The following CADM2 variants were observed in gnomAD, a reference collection of about 807,000 sequenced individuals.
CADM2 encodes immunoglobulin superfamily member 4D.
In CADM2, 12 loss-of-function variants were observed where a neutral mutation model predicts 49.8. The observed-to-expected ratio is 0.24, with a 90% CI of 0.15 to 0.39. The LOEUF (loss-of-function observed/expected upper bound fraction) is 0.39, where lower values mean the gene tolerates loss of function less well. CADM2 is among the 10% of genes least tolerant of loss of function. CADM2 has a pLI of 1.00. For synonymous variants in CADM2, 214 were observed against 175.4 expected (o/e 1.22, Z -1.74); for missense variants, 378 against 492.3 (o/e 0.77, Z 2.20).
chr3:85,093,420 A>G (rs2107527975), intron 1 of CADM2, among the ~76,000 whole-genome samples: 1 of 151,888 alleles, frequency 6.6e-6, no homozygotes, highest in South Asian at 2.1e-4. Flanking sequence ...CTGAGGCAGG[A>G]GAATCAGAAT....
At chr3:85,862,924 CAG>C (rs1194103169) in intron 3 of CADM2, among the ~76,000 whole-genome samples, 2 of 152,030 alleles carry the variant, frequency 1.3e-5, no homozygotes, top group African/African-American at 4.8e-5. Flanking sequence ...GACTAGATGA[CAG>C]AGTTATTCAC....
intron 8 of CADM2, among the ~76,000 whole-genome samples, chr3:86,053,376 C>T (rs76454711): frequency 0.037 from 5,673 of 152,192 alleles, 212 homozygotes; most frequent in African/African-American, 0.095. Context: ...TTATCCACCA[C>T]TTATACTTTT....
At chr3:85,298,071 GA>G (rs2044009714) in intron 1 of CADM2, among the ~76,000 whole-genome samples, 2 of 151,954 alleles carry the variant, frequency 1.3e-5, no homozygotes, top group Admixed American at 6.6e-5. Context: ...TATGTTAGGG[GA>G]AAAAATGAAC....
At chr3:85,530,531 G>T (rs543582905) in intron 1 of CADM2, among the ~76,000 whole-genome samples, 1 of 151,760 alleles carries the variant, frequency 6.6e-6, no homozygotes, top group African/African-American at 2.4e-5. Context: ...GGGTTTCACC[G>T]TGTTAGCCAG....
At chr3:85,182,694 A>G (rs1475713740) in intron 1 of CADM2, among the ~76,000 whole-genome samples, 1 of 152,106 alleles carries the variant, frequency 6.6e-6, no homozygotes, top group Non-Finnish European at 1.5e-5. Context: ...ATAGAACCCT[A>G]TATACGGTTG....
intron 1 of CADM2, among the ~76,000 whole-genome samples, chr3:85,182,865 G>A (rs184641129): frequency 7.4e-4 from 113 of 152,116 alleles, no homozygotes; most frequent in Non-Finnish European, 1.4e-3. Flanking sequence ...CTGCAGTGAA[G>A]TATTAACCTA....
intron 1 of CADM2, among the ~76,000 whole-genome samples, chr3:85,114,721 G>A (rs2038581247): frequency 6.6e-6 from 1 of 152,026 alleles, no homozygotes; most frequent in African/African-American, 2.4e-5. Flanking sequence ...TGTGACCTTG[G>A]GCAAATTTTT....
intron 3 of CADM2, among the ~76,000 whole-genome samples, chr3:85,847,669 G>A (rs1042505490): frequency 6.6e-6 from 1 of 152,094 alleles, no homozygotes; most frequent in African/African-American, 2.4e-5. Context: ...TTCTCAGAAA[G>A]AGTGGAAGAA....
chr3:85,306,061 C>T (rs577394295), intron 1 of CADM2, among the ~76,000 whole-genome samples: 4 of 151,716 alleles, frequency 2.6e-5, no homozygotes, highest in African/African-American at 7.2e-5. Flanking sequence ...CATATTTTCT[C>T]CTATCACAAT....
chr3:85,902,039 C>A (rs1290811563), intron 5 of CADM2, among the ~76,000 whole-genome samples: 2 of 151,962 alleles, frequency 1.3e-5, no homozygotes, highest in Non-Finnish European at 2.9e-5. Context: ...AGTTGATATG[C>A]ATTTGGGTTT....
chr3:85,549,331 T>C (rs6792295), intron 1 of CADM2, among the ~76,000 whole-genome samples: 77,968 of 151,966 alleles, frequency 0.51, 23,078 homozygotes, highest in East Asian at 0.85. Flanking sequence ...AACAGGAGAA[T>C]CCAGTCTGGA....
At chr3:85,974,423 T>C (rs1726530189) in intron 8 of CADM2, among the ~76,000 whole-genome samples, 1 of 151,630 alleles carries the variant, frequency 6.6e-6, no homozygotes, top group Admixed American at 6.6e-5. Flanking sequence ...CTTGAAAAAT[T>C]AATAAAACAA....
At chr3:85,206,485 T>C (rs1463900488) in intron 1 of CADM2, among the ~76,000 whole-genome samples, 1 of 151,926 alleles carries the variant, frequency 6.6e-6, no homozygotes, top group Non-Finnish European at 1.5e-5. Context: ...TTTTTTGTAT[T>C]TTTAGTAGAG....
chr3:85,533,346 T>C (rs1456341781), intron 1 of CADM2, among the ~76,000 whole-genome samples: 1 of 152,120 alleles, frequency 6.6e-6, no homozygotes, highest in Non-Finnish European at 1.5e-5. Context: ...GCACAGCAGG[T>C]GATATTGGTA....
intron 1 of CADM2, among the ~76,000 whole-genome samples, chr3:85,495,017 C>A (rs2039830317): frequency 6.6e-6 from 1 of 152,152 alleles, no homozygotes; most frequent in Admixed American, 6.5e-5. Flanking sequence ...TGCATTTTTT[C>A]TAACACCTCT....
At chr3:85,455,342 T>G (rs561782279) in intron 1 of CADM2, among the ~76,000 whole-genome samples, 2 of 152,346 alleles carry the variant, frequency 1.3e-5, no homozygotes, top group Non-Finnish European at 2.9e-5. Context: ...TTTATTACCT[T>G]CATCTTTCAT....
At chr3:86,049,679 C>CT (rs753071313) in intron 8 of CADM2, among the ~76,000 whole-genome samples, 192 of 152,220 alleles carry the variant, frequency 1.3e-3, no homozygotes, top group African/African-American at 4.3e-3. Context: ...CATCAGAAGA[C>CT]TTACAATCAT....
intron 5 of CADM2, among the ~76,000 whole-genome samples, chr3:85,910,903 A>G (rs1489785583): frequency 6.6e-6 from 1 of 152,116 alleles, no homozygotes; most frequent in East Asian, 1.9e-4. Context: ...AATAAGTGAA[A>G]GTTAGTGAAC....
intron 1 of CADM2, among the ~76,000 whole-genome samples, chr3:85,634,854 G>C (rs983064175): frequency 6.6e-6 from 1 of 150,938 alleles, no homozygotes; most frequent in Non-Finnish European, 1.5e-5. Flanking sequence ...TAGCTACTTT[G>C]TATTTATACA....
Sources: allele counts gnomAD v4.1 joint callset (sites outside exome capture counted in the v4.1 genomes callset), GRCh38; gene constraint gnomAD v4.1.1; transcripts MANE v1.5; gene names NCBI Gene and HGNC (gene_info 2026-07-23, HGNC 2026-07-21).